Variants in SLC14A2 observed in about 807,000 individuals in gnomAD.
SLC14A2 encodes solute carrier family 14 member 2.
Under a neutral mutation model 104.6 loss-of-function variants are expected in SLC14A2, and 91 were observed. The observed-to-expected ratio is 0.87, with a 90% CI of 0.73 to 1.04. The LOEUF (loss-of-function observed/expected upper bound fraction) is 1.04, where lower values mean the gene tolerates loss of function less well. Ranked by LOEUF, SLC14A2 falls within the 50% of genes least tolerant of loss-of-function variation. The pLI is 0.00. For synonymous variants in SLC14A2, 476 were observed against 466.4 expected (o/e 1.02, Z -0.27); for missense variants, 1,189 against 1,156.0 (o/e 1.03, Z -0.41).
chr18:45,540,919 T>C (rs182891546), intron 2 of SLC14A2, among the ~76,000 whole-genome samples: 30 of 152,150 alleles, frequency 2.0e-4, no homozygotes, highest in Admixed American at 5.9e-4. Flanking sequence ...AAGGATTCCA[T>C]TGGGTTCCAA....
At chr18:45,452,208 C>T (rs2086869507) in intron 1 of SLC14A2, among the ~76,000 whole-genome samples, 1 of 152,148 alleles carries the variant, frequency 6.6e-6, no homozygotes, top group African/African-American at 2.4e-5. Context: ...CTCAGAGATG[C>T]CTGCATTTGA....
chr18:45,506,469 A>C (rs1394305588), intron 2 of SLC14A2, among the ~76,000 whole-genome samples: 3 of 152,202 alleles, frequency 2.0e-5, no homozygotes, highest in Non-Finnish European at 4.4e-5. Flanking sequence ...ATTTATTTGG[A>C]ATAAGAGTTT....
chr18:45,414,757 A>AAAAAAATATATATAT (rs1360051908), intron 1 of SLC14A2, among the ~76,000 whole-genome samples: 30 of 76,072 alleles, frequency 3.9e-4, no homozygotes, highest in Admixed American at 6.8e-4. Context: ...AAAAAAAAAA[A>AAAAAAATATATATAT]ATATATATAT....
chr18:45,317,875 T>G (rs536819825), intron 1 of SLC14A2, among the ~76,000 whole-genome samples: 9 of 152,146 alleles, frequency 5.9e-5, no homozygotes, highest in Non-Finnish European at 8.8e-5. Flanking sequence ...CATTTCCTCC[T>G]TTGGATCGCA....
rs567055326 is a variant in SLC14A2 at position 45,277,030 on chromosome 18, C to T, written c.-125+63839C>T. 8.5e-5 allele frequency among the ~76,000 whole-genome samples: 13 copies of T among 152,326 alleles called. No homozygotes were observed. In the South Asian group the frequency reaches 2.3e-3, roughly 27 times the overall value. On this transcript the variant is annotated intron_variant, in intron 1 of 20. Coordinates refer to the SLC14A2 transcript ENST00000586448. ...ATTGTCCTGAAAACAGAGAATAATA[C>T]GAATGTACCATTTTCCTTAGCCTGT... is the stretch of plus-strand genomic sequence containing the variant.
intron 2 of SLC14A2, among the ~76,000 whole-genome samples, chr18:45,577,364 A>G (rs1209527169): frequency 6.6e-6 from 1 of 152,148 alleles, no homozygotes; most frequent in Non-Finnish European, 1.5e-5. Flanking sequence ...GTCATACAGT[A>G]TCACTTCTGC....
chr18:45,453,922 T>C (rs1190934956), intron 1 of SLC14A2, among the ~76,000 whole-genome samples: 1 of 145,340 alleles, frequency 6.9e-6, no homozygotes, highest in Non-Finnish European at 1.5e-5. Context: ...TGCAGTGGCA[T>C]GATCTCGGCT....
intron 1 of SLC14A2, among the ~76,000 whole-genome samples, chr18:45,354,520 A>G (rs1275926609): frequency 6.6e-6 from 1 of 152,214 alleles, no homozygotes; most frequent in African/African-American, 2.4e-5. Flanking sequence ...CTCCCAGTTC[A>G]GTGGAGCAGA....
chr18:45,420,156 A>T (rs1437206918), intron 1 of SLC14A2, among the ~76,000 whole-genome samples: 1 of 152,102 alleles, frequency 6.6e-6, no homozygotes, highest in African/African-American at 2.4e-5. Flanking sequence ...GCTCACTCAC[A>T]TGGCTGGAAA....
intron 2 of SLC14A2, among the ~76,000 whole-genome samples, chr18:45,505,814 C>T (rs2043274780): frequency 6.6e-6 from 1 of 152,170 alleles, no homozygotes; most frequent in South Asian, 2.1e-4. Flanking sequence ...TACAGACCCG[C>T]CTACACGTTT....
intron 4 of SLC14A2, among the ~76,000 whole-genome samples, chr18:45,632,128 GGTGTGT>G (rs143569307): frequency 8.0e-6 from 1 of 125,304 alleles, no homozygotes; most frequent in South Asian, 2.7e-4. Flanking sequence ...GCAAGACAAG[GGTGTGT>G]GTGTGTGTGT....
intron 6 of SLC14A2, among the ~76,000 whole-genome samples, chr18:45,639,195 C>T (rs148114367): frequency 2.0e-3 from 312 of 152,268 alleles, no homozygotes; most frequent in African/African-American, 7.3e-3. Context: ...GGGCAGGGGC[C>T]GCCAAAGAGG....
At chr18:45,435,859 G>T (rs150965016) in intron 1 of SLC14A2, among the ~76,000 whole-genome samples, 1 of 152,294 alleles carries the variant, frequency 6.6e-6, no homozygotes, top group East Asian at 1.9e-4. Context: ...GGTTTCCATG[G>T]CTAGCAAAAG....
the SLC14A2 span, among the ~76,000 whole-genome samples, chr18:45,175,354 TAAA>T: frequency 6.6e-6 from 1 of 150,662 alleles, no homozygotes; most frequent in Non-Finnish European, 1.5e-5. Context: ...TTTAAAAAGG[TAAA>T]AAAAAGTGTC....
At chr18:45,506,986 CT>C (rs2043296889) in intron 2 of SLC14A2, among the ~76,000 whole-genome samples, 1 of 152,200 alleles carries the variant, frequency 6.6e-6, no homozygotes, top group Non-Finnish European at 1.5e-5. Flanking sequence ...GCTATATACC[CT>C]GGAGGAGGTC....
chr18:45,648,741 CTAAT>C (rs142489112), intron 10 of SLC14A2, among the ~76,000 whole-genome samples: 61,202 of 151,662 alleles, frequency 0.4, 12,818 homozygotes, highest in Non-Finnish European at 0.46. Flanking sequence ...TATGTAATAA[CTAAT>C]ATACTAGTTT....
intron 16 of SLC14A2, among the ~76,000 whole-genome samples, chr18:45,672,074 G>A (rs1225074424): frequency 6.6e-6 from 1 of 152,214 alleles, no homozygotes; most frequent in Non-Finnish European, 1.5e-5. Context: ...AATAGCAGAT[G>A]CTGGGCGATA....
intron 2 of SLC14A2, among the ~76,000 whole-genome samples, chr18:45,500,455 T>C (rs2043177039): frequency 1.3e-5 from 2 of 151,614 alleles, no homozygotes; most frequent in African/African-American, 2.4e-5. Context: ...CGGGCGCCTG[T>C]AGTCCCAGCT....
At chr18:45,437,674 A>G (rs2086619188) in intron 1 of SLC14A2, among the ~76,000 whole-genome samples, 3 of 152,278 alleles carry the variant, frequency 2.0e-5, no homozygotes, top group African/African-American at 7.2e-5. Flanking sequence ...TGTGCTTACT[A>G]TGCACTGCCT....
Sources: gnomAD v4.1 joint callset for allele counts (sites outside exome capture counted in the v4.1 genomes callset) on GRCh38, gnomAD v4.1.1 for gene constraint, MANE v1.5 for transcripts, NCBI Gene and HGNC (gene_info 2026-07-23, HGNC 2026-07-21) for gene names.